ZNF43: variants seen among roughly 807,000 people sequenced by gnomAD.
The protein encoded by ZNF43 is zinc finger protein 43.
In ZNF43, 44 loss-of-function variants were observed where a neutral mutation model predicts 68.4. That is an observed-to-expected ratio of 0.64 (90% confidence interval 0.51 to 0.83). The LOEUF (loss-of-function observed/expected upper bound fraction) is 0.83, where lower values mean the gene tolerates loss of function less well. Among genes scored for constraint, ZNF43 ranks in the 40% least tolerant of loss-of-function variants. The probability of loss-of-function intolerance (pLI) is 0.00; values close to 1 mark genes in which losing one functional copy is unlikely to be tolerated. For missense variants in ZNF43, 896 were observed against 933.2 expected, an observed-to-expected ratio of 0.96 and a Z score of 0.52; for synonymous variants, 308 against 307.8, an observed-to-expected ratio of 1.00 and a Z score of -0.01.
At chr19:21,847,575 T>C (rs139855125) in intron 1 of ZNF43, among the ~76,000 whole-genome samples, 3 of 152,168 alleles carry the variant, frequency 2.0e-5, no homozygotes, top group Non-Finnish European at 4.4e-5. Flanking sequence ...CACATGCCTG[T>C]AGTCCCAGCT....
chr19:21,807,737 C>T lies in ZNF43; in HGVS notation c.2300G>A (p.Cys767Tyr). ...TGAATATTGGTTGAAAGCTTTGCCACATTCTTTACATTTGTAGGGTTGCTC... is the reference window on the plus strand; with the variant it reads ...TGAATATTGGTTGAAAGCTTTGCCATATTCTTTACATTTGTAGGGTTGCTC... ...TKEQPYKCKE[C>Y]GKAFNQYSNL... The change falls in exon 4 of 4, where the codon TGT becomes TAT. Residue 767 changes from cysteine (C) to tyrosine (Y), a missense_variant. Cys to Tyr is a radical substitution (Grantham distance 194). Coordinates refer to ENST00000354959, the MANE Select transcript of ZNF43 (RefSeq NM_003423.4). The T allele has an allele frequency of 6.2e-7, 1 of 1,613,652 alleles. No homozygotes were observed. Among genetic ancestry groups the T allele is most frequent in the East Asian group, 2.2e-5 (1 of 44,826 alleles).
At chr19:21,835,071 T>C (rs2038634433) in intron 1 of ZNF43, among the ~76,000 whole-genome samples, 1 of 148,362 alleles carries the variant, frequency 6.7e-6, no homozygotes, top group Non-Finnish European at 1.5e-5. Flanking sequence ...TATAGTGAAA[T>C]CCCGTCTTTA....
intron 1 of ZNF43, among the ~76,000 whole-genome samples, chr19:21,844,377 C>T (rs1010926221): frequency 1.5e-4 from 20 of 130,530 alleles, no homozygotes; most frequent in African/African-American, 5.8e-4. Flanking sequence ...AAAAAAGATA[C>T]ACAAAACACA....
In ZNF43 at chr19:21,807,350, G is replaced by T; in HGVS notation, c.*257C>A. 3.2e-6 allele frequency: 1 copy of T among 309,302 alleles called. No individual in the cohort carries two copies. Among genetic ancestry groups the T allele is most frequent in the East Asian group, 5.6e-5 (1 of 17,882 alleles). The allele number at this position is 309,302 out of a possible 1,614,324, so 19.2% of individuals were successfully genotyped here. A position where few individuals can be genotyped will look rare whatever the true frequency, so the allele number is the denominator to read the frequency against. On this transcript the variant is annotated 3_prime_UTR_variant, in exon 4 of 4. Transcript: ENST00000354959. ...GTTGCATCTATAATGGTTTTATTAA[G>T]TACAGACTCTCTGATGTTGAGTAAG...
chr19:21,814,411 C>G (rs961703584), intron 3 of ZNF43, among the ~76,000 whole-genome samples: 3 of 142,628 alleles, frequency 2.1e-5, no homozygotes, highest in Admixed American at 7.1e-5. Flanking sequence ...TGATTGATCT[C>G]TTTTTTTTTT....
At chr19:21,829,213 G>T (rs931716443) in intron 1 of ZNF43, among the ~76,000 whole-genome samples, 1 of 151,486 alleles carries the variant, frequency 6.6e-6, no homozygotes, top group Non-Finnish European at 1.5e-5. Flanking sequence ...GACAGAGTGA[G>T]ACTCCATCAC....
intron 2 of ZNF43, 100 bp from the exon 3 acceptor site, chr19:21,818,086 T>A (rs911871672): frequency 7.3e-6 from 9 of 1,232,906 alleles, no homozygotes; most frequent in Non-Finnish European, 1.0e-5. Context: ...AATATCCTAA[T>A]CATTAATCCC....
In ZNF43 at chr19:21,808,567, A is replaced by G; in HGVS notation, c.1470T>C (p.Ala490=). 1 of 1,613,154 alleles carries G rather than the reference A, an allele frequency of 6.2e-7. No homozygotes were observed. Among genetic ancestry groups the G allele is most frequent in the Non-Finnish European group, 8.5e-7 (1 of 1,179,766 alleles). ...KPYKCEECGK[A]FSRSSNLTKH... is the part of the protein sequence containing the mutation. ...TAGTAAGGTTTGAGGACCGGCTAAA[A>G]GCTTTGCCACATTCTTCACATTTGT... is the stretch of plus-strand genomic sequence containing the variant. The change falls in exon 4 of 4, where the codon GCT becomes GCC. Residue 490 remains alanine, a synonymous_variant. Coordinates refer to ENST00000354959, the MANE Select transcript of ZNF43 (RefSeq NM_003423.4).
upstream of ZNF43, chr19:21,839,617 ACT>A (rs1309067033): frequency 1.3e-5 from 2 of 151,980 alleles, no homozygotes; most frequent in Non-Finnish European, 2.9e-5. Flanking sequence ...GCAATAAGTC[ACT>A]CTCTTTTATG....
intron 2 of ZNF43, 32 bp downstream of exon 2, chr19:21,819,063 T>C (rs1568360058): frequency 1.3e-6 from 2 of 1,594,278 alleles, no homozygotes; most frequent in South Asian, 1.1e-5. Context: ...CTTTAGGGTA[T>C]ATTAGGAATT....
chr19:21,818,075 G>T, intron 2 of ZNF43, 89 bp from the exon 3 acceptor site: 2 of 1,322,164 alleles, frequency 1.5e-6, no homozygotes, highest in Non-Finnish European at 2.1e-6. Context: ...GGGTGTGATA[G>T]AATATCCTAA....
At chr19:21,850,088 G>A (rs1968243949) in intron 1 of ZNF43, 1 of 152,094 alleles carries the variant, frequency 6.6e-6, no homozygotes, top group African/African-American at 2.4e-5. Flanking sequence ...ACATCACCTG[G>A]GTGCTGAGCC....
chr19:21,832,521 T>C (rs1050517462), intron 1 of ZNF43, among the ~76,000 whole-genome samples: 1 of 151,852 alleles, frequency 6.6e-6, no homozygotes, highest in African/African-American at 2.4e-5. Context: ...AAAGGAAAAA[T>C]TGACAAATGG....
intron 1 of ZNF43, among the ~76,000 whole-genome samples, chr19:21,847,979 T>A (rs10425897): frequency 1.3e-5 from 2 of 150,944 alleles, no homozygotes; most frequent in African/African-American, 2.4e-5. Flanking sequence ...CACACCACCA[T>A]GCCCGGCTAA....
At chr19:21,851,844 C>T (rs1222456097) in intron 1 of ZNF43, 2 of 1,512,732 alleles carry the variant, frequency 1.3e-6, no homozygotes, top group African/African-American at 1.4e-5. Context: ...GTGAGGAGGC[C>T]GGTCCCGCCA....
intron 1 of ZNF43, among the ~76,000 whole-genome samples, chr19:21,849,674 G>A (rs1036180076): frequency 1.3e-5 from 2 of 151,818 alleles, no homozygotes; most frequent in African/African-American, 2.4e-5. Context: ...CCCAGGAGGC[G>A]GAGGTTGCAG....
intron 1 of ZNF43, among the ~76,000 whole-genome samples, chr19:21,831,656 G>A (rs896429803): frequency 5.9e-5 from 9 of 151,982 alleles, no homozygotes; most frequent in Non-Finnish European, 1.0e-4. Context: ...CACCACGCCC[G>A]GCTCCAGAAA....
At chr19:21,838,486 G>A (rs1370146749), upstream of ZNF43, among the ~76,000 whole-genome samples, 1 of 149,894 alleles carries the variant, frequency 6.7e-6, no homozygotes, top group African/African-American at 2.5e-5. Flanking sequence ...TGCAACCTCC[G>A]CCTCCTGGGT....
chr19:21,817,825 C>T (rs1356718656), intron 3 of ZNF43, 63 bp downstream of exon 3: 6 of 1,501,656 alleles, frequency 4.0e-6, no homozygotes, highest in Non-Finnish European at 5.5e-6. Flanking sequence ...TAAGGACTGG[C>T]TTTCCCCTTA....
Sources: allele counts gnomAD v4.1 joint callset (sites outside exome capture counted in the v4.1 genomes callset), GRCh38; gene constraint gnomAD v4.1.1; transcripts MANE v1.5; gene names NCBI Gene and HGNC (gene_info 2026-07-23, HGNC 2026-07-21).